Variants in RFTN1 observed in about 807,000 individuals in gnomAD.
RFTN1 encodes the protein raftlin.
A neutral mutation model predicts 46.5 loss-of-function variants in RFTN1; 26 were observed. The ratio of observed to expected loss-of-function variants is 0.56; its 90% CI spans 0.41 to 0.78. The LOEUF (loss-of-function observed/expected upper bound fraction) is 0.78, where lower values mean the gene tolerates loss of function less well. Ranked by LOEUF, RFTN1 falls within the 30% of genes least tolerant of loss-of-function variation. The pLI is 0.00. For synonymous variants in RFTN1, 261 were observed against 284.2 expected, an observed-to-expected ratio of 0.92 and a Z score of 0.82; for missense variants, 693 against 718.7, an observed-to-expected ratio of 0.96 and a Z score of 0.41.
At chr3:16,318,463 A>C (rs1376232064) in intron 9 of RFTN1, among the ~76,000 whole-genome samples, 1 of 152,146 alleles carries the variant, frequency 6.6e-6, no homozygotes, top group African/African-American at 2.4e-5. Flanking sequence ...GTATGTTGTA[A>C]ATCATTCTGA....
intron 4 of RFTN1, among the ~76,000 whole-genome samples, chr3:16,390,152 C>G (rs2074312002): frequency 6.6e-6 from 1 of 152,204 alleles, no homozygotes; most frequent in African/African-American, 2.4e-5. Flanking sequence ...AAATAAATGA[C>G]TGCTATTGTT....
At position 16,425,710 on chromosome 3, in the gene RFTN1, T is replaced by C. The variant is rs1429817966; in HGVS notation, c.332+8141A>G. Among the ~76,000 whole-genome samples, 1 of 152,014 alleles carries C rather than the reference T, an allele frequency of 6.6e-6. No individual in the cohort carries two copies. Among genetic ancestry groups the C allele is most frequent in the African/African-American group, 2.4e-5 (1 of 41,376 alleles). ...AAGAGAAGGTGGCTTTACGCTGGCA[T>C]ATGAGATTGAAAAGTGCAAACAAAT... On this transcript the variant is annotated intron_variant, in intron 3 of 9. Coordinates refer to ENST00000334133, the MANE Select transcript of RFTN1 (RefSeq NM_015150.2). The surrounding 1 kb of genome is among the most constrained non-coding windows in gnomAD (Gnocchi z 4.3).
chr3:16,484,354 T>A lies in RFTN1; in HGVS notation c.145+9371A>T, dbSNP rs1171853854. Reference sequence around the variant, plus strand: ...GAAAACTTATTGCGCAATGTGCATGTCTTGAATAAGGAATGTCATCCTGTT... The same window carrying A: ...GAAAACTTATTGCGCAATGTGCATGACTTGAATAAGGAATGTCATCCTGTT... On this transcript the variant is annotated intron_variant, in intron 2 of 9. Coordinates refer to ENST00000334133, the MANE Select transcript of RFTN1 (RefSeq NM_015150.2). The surrounding 1 kb of genome is among the most constrained non-coding windows in gnomAD (Gnocchi z 4.6). Among the ~76,000 whole-genome samples the A allele has an allele frequency of 6.6e-6, 1 of 152,180 alleles. No individual in the cohort carries two copies. The highest frequency in any genetic ancestry group is 2.4e-5 in the African/African-American group (1 of 41,440).
rs371845566 is a variant in RFTN1 at position 16,316,811 on chromosome 3, C to T, written c.*17G>A. Reference sequence around the variant, plus strand: ...GGTTTGGCAACTCACCTAGTTTTAGCACAAATTGCCCAAGACTCAGTTTTC... The same window carrying T: ...GGTTTGGCAACTCACCTAGTTTTAGTACAAATTGCCCAAGACTCAGTTTTC... On this transcript the variant is annotated 3_prime_UTR_variant, in exon 10 of 10. Coordinates refer to ENST00000334133, the MANE Select transcript of RFTN1 (RefSeq NM_015150.2). The surrounding 1 kb of genome is among the most constrained non-coding windows in gnomAD (Gnocchi z 4.5). 8.6e-5 allele frequency: 138 copies of T among 1,613,018 alleles called. No homozygotes were observed. Among genetic ancestry groups the T allele is most frequent in the Non-Finnish European group, 1.1e-4 (129 of 1,179,866 alleles).
rs79264008 is a variant in RFTN1 at position 16,356,381 on chromosome 3, C to T, written c.1146+1551G>A. Reference sequence around the variant, plus strand: ...TTCTGGCCCCTACGCTAACCAGCCCCGGATGCTGTGACTTTCCAACTCCTG... The same window carrying T: ...TTCTGGCCCCTACGCTAACCAGCCCTGGATGCTGTGACTTTCCAACTCCTG... On this transcript the variant is annotated intron_variant, in intron 7 of 9. Coordinates refer to ENST00000334133, the MANE Select transcript of RFTN1 (RefSeq NM_015150.2). The surrounding 1 kb of genome is among the most constrained non-coding windows in gnomAD (Gnocchi z 4.9). 2.6e-3 allele frequency among the ~76,000 whole-genome samples: 391 copies of T among 152,322 alleles called. No homozygotes were observed. The highest frequency in any genetic ancestry group is 4.6e-3 in the Non-Finnish European group (316 of 68,024).
At position 16,383,423 on chromosome 3, in the gene RFTN1, T is replaced by C. The variant is rs1247997048; in HGVS notation, c.442-5321A>G. Among the ~76,000 whole-genome samples the C allele has an allele frequency of 6.6e-6, 1 of 152,212 alleles. No individual in the cohort carries two copies. Among genetic ancestry groups the C allele is most frequent in the African/African-American group, 2.4e-5 (1 of 41,442 alleles). ...AGTTGCTCTATAATAAGTAAGGACA[T>C]GCTCCACTGTAACTATAATCAGGAA... On this transcript the variant is annotated intron_variant, in intron 4 of 9. Coordinates refer to ENST00000334133, the MANE Select transcript of RFTN1 (RefSeq NM_015150.2). This position sits in a 1 kb window ranked among gnomAD's most constrained non-coding sequence, Gnocchi z 4.0.
In RFTN1 at chr3:16,316,282, G is replaced by T. The variant is rs781007349; in HGVS notation, c.*546C>A. On this transcript the variant is annotated 3_prime_UTR_variant, in exon 10 of 10. Transcript: ENST00000334133. The surrounding 1 kb of genome is among the most constrained non-coding windows in gnomAD (Gnocchi z 4.5). ...ACTATTTTGAGAAAAGCTGGGAGGC[G>T]GAGCACCTCCCCTCCCCAATGTCAT... is the stretch of plus-strand genomic sequence containing the variant. 17 of 158,522 alleles carry T rather than the reference G, an allele frequency of 1.1e-4. No individual in the cohort carries two copies. The highest frequency in any genetic ancestry group is 1.9e-4 in the Non-Finnish European group (14 of 72,590). The allele number at this position is 158,522 out of a possible 1,614,324, so 9.8% of individuals were successfully genotyped here.
chr3:16,350,661 G>C (rs2072038960), intron 7 of RFTN1, among the ~76,000 whole-genome samples: 1 of 152,172 alleles, frequency 6.6e-6, no homozygotes, highest in South Asian at 2.1e-4. Context: ...ACTCACCTGT[G>C]CTATGATTTG....
In RFTN1 at chr3:16,337,608, G is replaced by A. The variant is rs2125274947; in HGVS notation, c.1147-10732C>T. On this transcript the variant is annotated intron_variant, in intron 7 of 9. Transcript: ENST00000334133. The surrounding 1 kb of genome is among the most constrained non-coding windows in gnomAD (Gnocchi z 5.0). Reference sequence around the variant, plus strand: ...AATACAAAAATTAGCCAAGCATGGTGGCAGGCGCCTGTAGTCCCAGCTACT... The same window carrying A: ...AATACAAAAATTAGCCAAGCATGGTAGCAGGCGCCTGTAGTCCCAGCTACT... Among the ~76,000 whole-genome samples the A allele has an allele frequency of 6.6e-6, 1 of 152,082 alleles. No homozygotes were observed. The highest frequency in any genetic ancestry group is 6.5e-5 in the Admixed American group (1 of 15,280).
At position 16,400,669 on chromosome 3, in the gene RFTN1, T is replaced by C. The variant is rs908955114; in HGVS notation, c.441+8706A>G. Among the ~76,000 whole-genome samples the C allele has an allele frequency of 1.2e-4, 18 of 152,138 alleles. No homozygotes were observed. The highest frequency in any genetic ancestry group is 4.1e-4 in the African/African-American group (17 of 41,422). Reference sequence around the variant, plus strand: ...AAGTATCTCCTTTTTTGGGGAGTGATTGAGACAAGCGTATGACCCCTTCCC... The same window carrying C: ...AAGTATCTCCTTTTTTGGGGAGTGACTGAGACAAGCGTATGACCCCTTCCC... On this transcript the variant is annotated intron_variant, in intron 4 of 9. Transcript: ENST00000334133. The surrounding 1 kb of genome is among the most constrained non-coding windows in gnomAD (Gnocchi z 4.5).
Position 16,465,633 on chromosome 3 carries a change from C to T in RFTN1, c.145+28092G>A, listed in dbSNP as rs1300898613. Among the ~76,000 whole-genome samples, 3 of 152,120 alleles carry T rather than the reference C, an allele frequency of 2.0e-5. No homozygotes were observed. The highest frequency in any genetic ancestry group is 7.2e-5 in the African/African-American group (3 of 41,408). The stretch of plus-strand genomic sequence containing the variant: ...TCTGATGAGTGGTGCAATTTAGCCC[C>T]CATGTCAATTACGGATGCTAAAAAT... On this transcript the variant is annotated intron_variant, in intron 2 of 9. Coordinates refer to ENST00000334133, the MANE Select transcript of RFTN1 (RefSeq NM_015150.2). This position sits in a 1 kb window ranked among gnomAD's most constrained non-coding sequence, Gnocchi z 5.1.
chr3:16,392,809 T>A (rs1427424621), intron 4 of RFTN1, among the ~76,000 whole-genome samples: 1 of 152,090 alleles, frequency 6.6e-6, no homozygotes, highest in Non-Finnish European at 1.5e-5. Flanking sequence ...CACAAGTCAC[T>A]TCCAGGGAGG....
chr3:16,440,838 A>G lies in RFTN1; in HGVS notation c.146-6801T>C, dbSNP rs2075607490. 6.6e-6 allele frequency among the ~76,000 whole-genome samples: 1 copy of G among 152,200 alleles called. No homozygotes were observed. Among genetic ancestry groups the G allele is most frequent in the Non-Finnish European group, 1.5e-5 (1 of 68,036 alleles). On this transcript the variant is annotated intron_variant, in intron 2 of 9. Coordinates refer to ENST00000334133, the MANE Select transcript of RFTN1 (RefSeq NM_015150.2). This position sits in a 1 kb window ranked among gnomAD's most constrained non-coding sequence, Gnocchi z 4.6. ...GTCAAGACCTAGCAGCCTGCAGAGT[A>G]TGGATGGGGCATTTGATAAAGTTGG... is the stretch of plus-strand genomic sequence containing the variant.
chr3:16,398,623 G>T (rs1243625813), intron 4 of RFTN1, among the ~76,000 whole-genome samples: 5 of 152,298 alleles, frequency 3.3e-5, no homozygotes, highest in East Asian at 3.9e-4. Context: ...GGGAGAAGCA[G>T]CTGCTCACCC....
Position 16,381,408 on chromosome 3 carries a change from T to G in RFTN1, c.442-3306A>C, listed in dbSNP as rs1454202140. ...ATAGACATGACAGTGACAATGGTGA[T>G]TATTTCTGCCTGAAGGGGAGGTTGA... is the stretch of plus-strand genomic sequence containing the variant. On this transcript the variant is annotated intron_variant, in intron 4 of 9. Coordinates refer to ENST00000334133, the MANE Select transcript of RFTN1 (RefSeq NM_015150.2). The surrounding 1 kb of genome is among the most constrained non-coding windows in gnomAD (Gnocchi z 4.2). Among the ~76,000 whole-genome samples, 1 of 152,212 alleles carries G rather than the reference T, an allele frequency of 6.6e-6. No individual in the cohort carries two copies. Among genetic ancestry groups the G allele is most frequent in the East Asian group, 1.9e-4 (1 of 5,196 alleles).
chr3:16,371,578 C>G (rs941183518), intron 5 of RFTN1, among the ~76,000 whole-genome samples: 1 of 152,224 alleles, frequency 6.6e-6, no homozygotes, highest in Non-Finnish European at 1.5e-5. Context: ...CCCGCCTGAG[C>G]GAACACCAGC....
chr3:16,412,212 A>G (rs2074992066), intron 3 of RFTN1, among the ~76,000 whole-genome samples: 1 of 152,224 alleles, frequency 6.6e-6, no homozygotes, highest in Non-Finnish European at 1.5e-5. Context: ...GGAATAGGTG[A>G]GCAAGTAATA....
intron 4 of RFTN1, among the ~76,000 whole-genome samples, chr3:16,405,698 C>T (rs2074840221): frequency 6.6e-6 from 1 of 152,170 alleles, no homozygotes; most frequent in South Asian, 2.1e-4. Flanking sequence ...TAATTTAAAA[C>T]ATTTGGTGGA....
Position 16,323,393 on chromosome 3 carries a change from T to C in RFTN1, c.1315A>G (p.Lys439Glu), listed in dbSNP as rs2069304088. 1 of 1,610,238 alleles carries C rather than the reference T, an allele frequency of 6.2e-7. No homozygotes were observed. Among genetic ancestry groups the C allele is most frequent in the Non-Finnish European group, 8.5e-7 (1 of 1,176,606 alleles). ...LQRPCLPQKI[K>E]KKESKFQWRF... ...TCTCTTACCTTCGATTCCTTCTTCTTGATTTTCTGAGGTAGACAAGGTCTC... is the reference window on the plus strand; with the variant it reads ...TCTCTTACCTTCGATTCCTTCTTCTCGATTTTCTGAGGTAGACAAGGTCTC... Residue 439 changes from lysine to glutamate, a missense_variant, in exon 9 of 10, where the codon AAG becomes GAG. Physicochemically the swap from Lys to Glu is moderately conservative, Grantham distance 56. Coordinates refer to ENST00000334133, the MANE Select transcript of RFTN1 (RefSeq NM_015150.2).
Sources: gnomAD v4.1 joint callset for allele counts (sites outside exome capture counted in the v4.1 genomes callset) on GRCh38, gnomAD v4.1.1 for gene constraint, Gnocchi (gnomAD v3.1) non-coding constraint, MANE v1.5 for transcripts, NCBI Gene and HGNC (gene_info 2026-07-23, HGNC 2026-07-21) for gene names.